STRIP2: variants seen among roughly 807,000 people sequenced by gnomAD.
STRIP2 encodes striatin interacting protein 2.
A neutral mutation model predicts 107.1 loss-of-function variants in STRIP2; 84 were observed. The ratio of observed to expected loss-of-function variants is 0.78; its 90% confidence interval spans 0.66 to 0.94. The LOEUF is 0.94. STRIP2 is among the 40% of genes least tolerant of loss of function. The probability of loss-of-function intolerance (pLI) is 0.00; values close to 1 mark genes in which losing one functional copy is unlikely to be tolerated. For missense variants in STRIP2, 888 were observed against 1,034.2 expected (o/e 0.86, Z 1.94); for synonymous variants, 394 against 400.4 (o/e 0.98, Z 0.19).
intron 3 of STRIP2, among the ~76,000 whole-genome samples, chr7:129,450,040 A>G (rs1169572036): frequency 1.3e-5 from 2 of 152,214 alleles, no homozygotes; most frequent in Non-Finnish European, 2.9e-5. Flanking sequence ...GGAATGTCAA[A>G]TGCATTTATT....
Position 129,456,580 on chromosome 7 carries a change from C to A in STRIP2, c.976C>A (p.Leu326Met). ...AASPPSYTLDLGESQLAPPPS... is the reference protein window; with the variant it reads ...AASPPSYTLDMGESQLAPPPS... ...CTCCCCGCCCTCTTACACTCTTGAC[C>A]TGGGAGAGTCTCAGCTGGCACCCCC... The change falls in exon 9 of 21, where the codon CTG becomes ATG. Residue 326 changes from leucine (L) to methionine (M), a missense_variant. By Grantham distance (15) the Leu-to-Met change is conservative (BLOSUM62 2). Transcript: ENST00000249344. 4.3e-6 allele frequency: 7 copies of A among 1,614,080 alleles called. No homozygotes were observed. Among genetic ancestry groups the A allele is most frequent in the Non-Finnish European group, 5.9e-6 (7 of 1,180,002 alleles).
intron 19 of STRIP2, among the ~76,000 whole-genome samples, chr7:129,481,291 G>T (rs934003049): frequency 6.6e-6 from 1 of 152,036 alleles, no homozygotes; most frequent in East Asian, 1.9e-4. Flanking sequence ...AAGGTCAGGA[G>T]TTCGAGACCA....
intron 14 of STRIP2, 107 bp from the exon 15 acceptor site, chr7:129,463,937 C>A: frequency 1.2e-6 from 1 of 804,206 alleles, no homozygotes; most frequent in Non-Finnish European, 2.0e-6. Flanking sequence ...GAAGAACTTA[C>A]AGAATGGCTT....
intron 2 of STRIP2, among the ~76,000 whole-genome samples, chr7:129,443,030 CTTCT>C (rs1040187533): frequency 2.0e-5 from 3 of 147,814 alleles, no homozygotes; most frequent in Non-Finnish European, 4.5e-5. Context: ...TATTTCTTTT[CTTCT>C]TTCTTTCTTT....
chr7:129,440,572 G>A (rs756537509), intron 2 of STRIP2, among the ~76,000 whole-genome samples: 6 of 152,020 alleles, frequency 3.9e-5, no homozygotes, highest in South Asian at 4.1e-4. Context: ...AGCAAAGTCC[G>A]AGGAAAAACT....
Position 129,461,685 on chromosome 7 carries a change from C to T in STRIP2, c.1477-1281C>T, listed in dbSNP as rs1196103807. Among the ~76,000 whole-genome samples, 3 of 151,648 alleles carry T rather than the reference C, an allele frequency of 2.0e-5. No homozygotes were observed. The highest frequency in any genetic ancestry group is 4.4e-5 in the Non-Finnish European group (3 of 68,032). On this transcript the variant is annotated intron_variant, in intron 13 of 20. Coordinates refer to ENST00000249344, the MANE Select transcript of STRIP2 (RefSeq NM_020704.3). This position sits in a 1 kb window ranked among gnomAD's most constrained non-coding sequence, Gnocchi z 4.0. ...GATAGTGACCTTGATAAGAACAACT[C>T]TAAGTGAAGTAGTGGGACTGAAAGC...
In STRIP2 at chr7:129,464,720, A is replaced by T; in HGVS notation, c.1758A>T (p.Lys586Asn). 2 of 1,613,854 alleles carry T rather than the reference A, an allele frequency of 1.2e-6. No homozygotes were observed. The highest frequency in any genetic ancestry group is 1.7e-6 in the Non-Finnish European group (2 of 1,179,968). Residue 586 changes from lysine (K) to asparagine (N), a missense_variant, in exon 16 of 21, where the codon AAA becomes AAT. Physicochemically the swap from Lys to Asn is moderately conservative, Grantham distance 94. Transcript: ENST00000249344. ...TTCTGCTACTCCTCAAACACTTCAA[A>T]CTCAACCATATCTACCAGGTGAGCA... is the stretch of plus-strand genomic sequence containing the variant. ...TLLLLLLKHF[K>N]LNHIYQFEYV...
rs1799098704 is a variant in STRIP2 at position 129,480,862 on chromosome 7, G to A, written c.2022G>A (p.Leu674=). ...CINLLRLLNK[L]TKWKHSRTMM... ...ACCTCCTGAGGCTGCTCAATAAACT[G>A]ACCAAATGGAAACATTCCCGGACCA... The change falls in exon 19 of 21, where the codon CTG becomes CTA. Residue 674 remains leucine, a synonymous_variant. Transcript: ENST00000249344. 2 of 1,613,574 alleles carry A rather than the reference G, an allele frequency of 1.2e-6. No homozygotes were observed. Among genetic ancestry groups the A allele is most frequent in the Non-Finnish European group, 1.7e-6 (2 of 1,179,816 alleles).
chr7:129,441,766 C>T (rs1019326824), intron 2 of STRIP2, among the ~76,000 whole-genome samples: 7 of 151,752 alleles, frequency 4.6e-5, no homozygotes, highest in African/African-American at 1.5e-4. Flanking sequence ...AATTTTGTGC[C>T]ACCATGTCCA....
At chr7:129,457,202 C>T (rs1798387597) in intron 9 of STRIP2, among the ~76,000 whole-genome samples, 1 of 152,136 alleles carries the variant, frequency 6.6e-6, no homozygotes, top group African/African-American at 2.4e-5. Flanking sequence ...TGTCACTGAG[C>T]AAACATCATA....
chr7:129,483,346 AAAC>A lies in STRIP2; in HGVS notation c.2254+304_2254+306del, dbSNP rs1178867704. On this transcript the variant is annotated intron_variant, in intron 20 of 20. Coordinates refer to ENST00000249344, the MANE Select transcript of STRIP2 (RefSeq NM_020704.3). This position sits in a 1 kb window ranked among gnomAD's most constrained non-coding sequence, Gnocchi z 5.1. ...AGCTTTCTCCAAAAGATTTAAATTAAAACAACTTTTTATTATTACAAAGCAGTT... is the reference window on the plus strand; with the variant it reads ...AGCTTTCTCCAAAAGATTTAAATTAAAACTTTTTATTATTACAAAGCAGTT... 1.8e-6 allele frequency: 2 copies of A among 1,090,498 alleles called. No individual in the cohort carries two copies. The highest frequency in any genetic ancestry group is 2.3e-6 in the Non-Finnish European group (2 of 880,092). The allele number at this position is 1,090,498 out of a possible 1,614,324, so 67.6% of individuals were successfully genotyped here. A position where few individuals can be genotyped will look rare whatever the true frequency, so the allele number is the denominator to read the frequency against.
intron 20 of STRIP2, chr7:129,484,431 A>C (rs1182845811): frequency 1.3e-5 from 2 of 152,188 alleles, no homozygotes; most frequent in African/African-American, 2.4e-5. Flanking sequence ...TTTGGTAATG[A>C]CTTGTCTTTG....
In STRIP2 at chr7:129,434,640, G is replaced by A. The variant is rs1322179252; in HGVS notation, c.129+39G>A. 2.1e-6 allele frequency: 3 copies of A among 1,436,456 alleles called. No individual in the cohort carries two copies. In the South Asian group the frequency reaches 4.1e-5, roughly 20 times the overall value. 89.0% of individuals were successfully genotyped at this position (1,436,456 alleles called of 1,614,324 possible). A position where few individuals can be genotyped will look rare whatever the true frequency, so the allele number is the denominator to read the frequency against. On this transcript the variant is annotated intron_variant, in intron 1 of 20. Coordinates refer to ENST00000249344, the MANE Select transcript of STRIP2 (RefSeq NM_020704.3). ...AAAGCTTCGGCTGGGGCCCGGAGAC[G>A]CCCGCCGGCGGGAAGCGGCGGCTGA...
chr7:129,465,905 C>CA (rs1330106279), intron 16 of STRIP2, among the ~76,000 whole-genome samples: 2 of 152,062 alleles, frequency 1.3e-5, no homozygotes, highest in African/African-American at 4.8e-5. Flanking sequence ...AGCAGGTCCT[C>CA]AGAGTACAGA....
chr7:129,485,796 C>T lies in STRIP2; in HGVS notation c.2472C>T (p.Pro824=). 4.3e-6 allele frequency: 7 copies of T among 1,614,058 alleles called. No individual in the cohort carries two copies. The highest frequency in any genetic ancestry group is 5.9e-6 in the Non-Finnish European group (7 of 1,180,030). Residue 824 remains proline (P), a synonymous_variant, in exon 21 of 21, where the codon CCC becomes CCT. Transcript: ENST00000249344. The part of the protein sequence containing the change: ...LWLEREVFSQ[P]ICWEELLQNH ...TCGAGAGAGAGGTGTTTTCACAGCC[C>T]ATCTGTTGGGAGGAGCTGCTCCAGA...
Position 129,455,304 on chromosome 7 carries a change from T to C in STRIP2, c.767T>C (p.Phe256Ser). 1 of 1,614,062 alleles carries C rather than the reference T, an allele frequency of 6.2e-7. No homozygotes were observed. Among genetic ancestry groups the C allele is most frequent in the Non-Finnish European group, 8.5e-7 (1 of 1,179,958 alleles). The change falls in exon 8 of 21, where the codon TTC (phenylalanine) becomes TCC (serine). Residue 256 changes from phenylalanine to serine, a missense_variant. Transcript: ENST00000249344. ...ALLLFSMVTK[F>S]CSGLAPHFPI... ...TTACTCTTCTCCATGGTTACCAAGT[T>C]CTGCAGTGGCCTGGCTCCTCACTTC...
In STRIP2 at chr7:129,483,901, C is replaced by T. The variant is rs576869983; in HGVS notation, c.2254+855C>T. Among the ~76,000 whole-genome samples the T allele has an allele frequency of 1.3e-3, 196 of 152,056 alleles. 2 individuals carry two copies. The highest frequency in any genetic ancestry group is 6.8e-3 in the Middle Eastern group (2 of 294). ...CTACAGATGCATACCACCACTACACCCGGCTAATTTTTCAAATTTTTTTGT... is the reference window on the plus strand; with the variant it reads ...CTACAGATGCATACCACCACTACACTCGGCTAATTTTTCAAATTTTTTTGT... On this transcript the variant is annotated intron_variant, in intron 20 of 20. Coordinates refer to ENST00000249344, the MANE Select transcript of STRIP2 (RefSeq NM_020704.3). The surrounding 1 kb of genome is among the most constrained non-coding windows in gnomAD (Gnocchi z 5.1).
intron 8 of STRIP2, among the ~76,000 whole-genome samples, chr7:129,455,934 AGGATTT>A (rs1205603106): frequency 6.6e-6 from 1 of 152,136 alleles, no homozygotes; most frequent in Non-Finnish European, 1.5e-5. Flanking sequence ...GTGCCTGGCC[AGGATTT>A]GCTTTTTAAA....
chr7:129,470,698 C>T lies in STRIP2; in HGVS notation c.1927C>T (p.Leu643Phe). 1.2e-6 allele frequency: 2 copies of T among 1,613,972 alleles called. No homozygotes were observed. Among genetic ancestry groups the T allele is most frequent in the Non-Finnish European group, 1.7e-6 (2 of 1,179,860 alleles). The change falls in exon 18 of 21, where the codon CTT becomes TTT. Residue 643 changes from leucine to phenylalanine, a missense_variant. Coordinates refer to ENST00000249344, the MANE Select transcript of STRIP2 (RefSeq NM_020704.3). ...PCCTIQDLPELTTESLEAGDN... is the reference protein window; with the variant it reads ...PCCTIQDLPEFTTESLEAGDN... ...CTGTACCATCCAGGATTTGCCGGAG[C>T]TTACTACTGAAAGTCTGGTAAGCAG... is the stretch of plus-strand genomic sequence containing the variant.
Sources: gnomAD v4.1 joint callset for allele counts (sites outside exome capture counted in the v4.1 genomes callset) on GRCh38, gnomAD v4.1.1 for gene constraint, Gnocchi (gnomAD v3.1) non-coding constraint, MANE v1.5 for transcripts, NCBI Gene and HGNC (gene_info 2026-07-23, HGNC 2026-07-21) for gene names.